The following SPEN variants were observed in gnomAD, a reference collection of about 807,000 sequenced individuals.
SPEN encodes msx2-interacting protein.
A neutral mutation model predicts 269.9 loss-of-function variants in SPEN; 18 were observed. The observed-to-expected ratio is 0.07, with a 90% CI of 0.05 to 0.10. The LOEUF (loss-of-function observed/expected upper bound fraction) is 0.10, where lower values mean the gene tolerates loss of function less well. Ranked by LOEUF, SPEN falls within the 10% of genes least tolerant of loss-of-function variation. SPEN has a pLI of 1.00. For synonymous variants in SPEN, 1,726 were observed against 1,765.7 expected (o/e 0.98, Z 0.56); for missense variants, 3,822 against 4,631.2 (o/e 0.83, Z 5.07).
At chr1:15,865,716 G>A (rs1027930434) in intron 1 of SPEN, among the ~76,000 whole-genome samples, 4 of 151,796 alleles carry the variant, frequency 2.6e-5, no homozygotes, top group Non-Finnish European at 4.4e-5. Flanking sequence ...GTGAGCCACC[G>A]CACCCAGCCA....
At position 15,935,863 on chromosome 1, in the gene SPEN, A is replaced by G; in HGVS notation, c.9623A>G (p.Glu3208Gly). The G allele has an allele frequency of 6.2e-7, 1 of 1,613,634 alleles. No individual in the cohort carries two copies. The highest frequency in any genetic ancestry group is 8.5e-7 in the Non-Finnish European group (1 of 1,179,990). ...MVHPHVTAVSEQPRAADGVVK... is the reference protein window; with the variant it reads ...MVHPHVTAVSGQPRAADGVVK... ...CATCCACATGTGACGGCAGTCAGCG[A>G]GCAGCCCAGGGCCGCGGATGGGGTG... The change falls in exon 11 of 15, where the codon GAG becomes GGG. Residue 3208 changes from glutamate (E) to glycine (G), a missense_variant. Physicochemically the swap from Glu to Gly is moderately conservative, Grantham distance 98. Coordinates refer to ENST00000375759, the MANE Select transcript of SPEN (RefSeq NM_015001.3). This position sits in a 1 kb window ranked among gnomAD's most constrained non-coding sequence, Gnocchi z 7.7.
intron 10 of SPEN, among the ~76,000 whole-genome samples, chr1:15,924,163 G>A (rs140986199): frequency 2.8e-4 from 42 of 152,270 alleles, no homozygotes; most frequent in Non-Finnish European, 3.2e-4. Flanking sequence ...GAAAGTGAGC[G>A]TAAAATTATG....
chr1:15,906,447 T>C (rs1037487105), intron 3 of SPEN, among the ~76,000 whole-genome samples: 12 of 146,462 alleles, frequency 8.2e-5, no homozygotes, highest in African/African-American at 3.0e-4. Flanking sequence ...TTCTTTTCTT[T>C]CTTTCCTTTT....
rs781772252 is a variant in SPEN at position 15,933,812 on chromosome 1, C to G, written c.7572C>G (p.Ala2524=). Residue 2524 remains alanine, a synonymous_variant, in exon 11 of 15, where the codon GCC becomes GCG. Transcript: ENST00000375759. The surrounding 1 kb of genome is among the most constrained non-coding windows in gnomAD (Gnocchi z 5.7). ...PSPALPPDTK[A]SDVDTSSSTL... is the part of the protein sequence containing the mutation. ...CAGCTCTTCCCCCAGACACAAAGGC[C>G]TCTGATGTTGACACCAGCTCCAGCA... 3.1e-6 allele frequency: 5 copies of G among 1,613,376 alleles called. No individual in the cohort carries two copies. Among genetic ancestry groups the G allele is most frequent in the Non-Finnish European group, 4.2e-6 (5 of 1,180,046 alleles).
rs749588150 is a variant in SPEN at position 15,933,835 on chromosome 1, G to A, written c.7595G>A (p.Ser2532Asn). ...GCCTCTGATGTTGACACCAGCTCCA[G>A]CACCCTGAGGAAGATTCTCATGGAC... ...TKASDVDTSSSTLRKILMDPK... is the reference protein window; with the variant it reads ...TKASDVDTSSNTLRKILMDPK... Residue 2532 changes from serine (S) to asparagine (N), a missense_variant, in exon 11 of 15, where the codon AGC becomes AAC. Around this residue, in one of 16 missense-constraint regions of SPEN, gnomAD observed 727 missense variants for 737.9 expected, o/e 0.99. Transcript: ENST00000375759. This position sits in a 1 kb window ranked among gnomAD's most constrained non-coding sequence, Gnocchi z 5.7. 7.4e-6 allele frequency: 12 copies of A among 1,613,222 alleles called. No homozygotes were observed. Among genetic ancestry groups the A allele is most frequent in the Middle Eastern group, 1.6e-4 (1 of 6,062 alleles).
chr1:15,882,575 G>C (rs1557742110), intron 3 of SPEN, among the ~76,000 whole-genome samples: 1 of 152,164 alleles, frequency 6.6e-6, no homozygotes, highest in Non-Finnish European at 1.5e-5. Flanking sequence ...TGCGAGAATC[G>C]CTTGAACCTG....
chr1:15,927,854 T>TA (rs2148737569), intron 10 of SPEN, among the ~76,000 whole-genome samples: 1 of 152,370 alleles, frequency 6.6e-6, no homozygotes, highest in Non-Finnish European at 1.5e-5. Flanking sequence ...TGTTTTTCTA[T>TA]AAACTAGGTC....
intron 3 of SPEN, among the ~76,000 whole-genome samples, chr1:15,904,717 T>C (rs6701734): frequency 0.069 from 10,285 of 149,568 alleles, 1,108 homozygotes; most frequent in African/African-American, 0.23. Flanking sequence ...CCTCCCAAAG[T>C]GCTGGGATTA....
Position 15,854,473 on chromosome 1 carries a change from A to T in SPEN, c.83+6323A>T, listed in dbSNP as rs143357532. 3.3e-3 allele frequency among the ~76,000 whole-genome samples: 495 copies of T among 152,234 alleles called. 1 individual carries two copies. The highest frequency in any genetic ancestry group is 0.011 in the African/African-American group (450 of 41,550). Reference sequence around the variant, plus strand: ...CAATTAGAATGTTAATCATTTTATTAGAAAGCATGTAGTTTTTTTTTGTTT... The same window carrying T: ...CAATTAGAATGTTAATCATTTTATTTGAAAGCATGTAGTTTTTTTTTGTTT... On this transcript the variant is annotated intron_variant, in intron 1 of 14. Transcript: ENST00000375759.
Position 15,929,047 on chromosome 1 carries a change from G to C in SPEN, c.2807G>C (p.Arg936Thr), listed in dbSNP as rs141938872. 11 of 1,614,198 alleles carry C rather than the reference G, an allele frequency of 6.8e-6. 1 individual carries two copies. The African/African-American group carries it at 1.5e-4, about 22-fold the overall frequency. Residue 936 changes from arginine (R) to threonine (T), a missense_variant, in exon 11 of 15, where the codon AGA becomes ACA. Physicochemically the swap from Arg to Thr is moderately conservative, Grantham distance 71. This residue lies in a region of SPEN where 572 missense variants were observed against 582.6 expected (regional missense o/e 0.98). Coordinates refer to ENST00000375759, the MANE Select transcript of SPEN (RefSeq NM_015001.3). The surrounding 1 kb of genome is among the most constrained non-coding windows in gnomAD (Gnocchi z 5.8). ...GACTTGTCTAAACTGGAATCAGTTAGAATGAAAGTACCAAAGGAAAAGGGG... is the reference window on the plus strand; with the variant it reads ...GACTTGTCTAAACTGGAATCAGTTACAATGAAAGTACCAAAGGAAAAGGGG... ...KSDLSKLESV[R>T]MKVPKEKGLS...
Position 15,937,800 on chromosome 1 carries a change from C to T in SPEN, c.10510-12C>T, listed in dbSNP as rs745427382. The T allele has an allele frequency of 4.3e-6, 7 of 1,613,604 alleles. No individual in the cohort carries two copies. The highest frequency in any genetic ancestry group is 5.9e-6 in the Non-Finnish European group (7 of 1,179,820). On this transcript the variant is annotated splice_polypyrimidine_tract_variant and intron_variant, in intron 12 of 14. Coordinates refer to ENST00000375759, the MANE Select transcript of SPEN (RefSeq NM_015001.3). The surrounding 1 kb of genome is among the most constrained non-coding windows in gnomAD (Gnocchi z 5.7). ...CCATGAGCTCACTTCCTGTTTGTTT[C>T]CCTGTGAGCAGAAGTACCCCATCGT...
intron 1 of SPEN, among the ~76,000 whole-genome samples, chr1:15,850,864 A>G (rs988564934): frequency 2.6e-5 from 4 of 152,244 alleles, no homozygotes; most frequent in Admixed American, 1.3e-4. Context: ...TACCTATATT[A>G]AAACTGAACT....
At chr1:15,914,668 C>G (rs1208489258) in intron 5 of SPEN, among the ~76,000 whole-genome samples, 1 of 152,044 alleles carries the variant, frequency 6.6e-6, no homozygotes, top group Non-Finnish European at 1.5e-5. Flanking sequence ...ACTAAAAATA[C>G]AAAAATTTGG....
In SPEN at chr1:15,929,504, G is replaced by A. The variant is rs763962908; in HGVS notation, c.3264G>A (p.Leu1088=). ...SRPSSDLQAR[L]GELAGESVEN... The stretch of plus-strand genomic sequence containing the variant: ...CCAGCTCAGACCTACAAGCAAGACT[G>A]GGAGAACTAGCAGGTGAATCTGTGG... Residue 1088 remains leucine (L), a synonymous_variant, in exon 11 of 15, where the codon CTG becomes CTA. Coordinates refer to ENST00000375759, the MANE Select transcript of SPEN (RefSeq NM_015001.3). This position sits in a 1 kb window ranked among gnomAD's most constrained non-coding sequence, Gnocchi z 5.8. The A allele has an allele frequency of 6.8e-6, 11 of 1,613,480 alleles. No individual in the cohort carries two copies. In the South Asian group the frequency reaches 1.2e-4, roughly 18 times the overall value.
At chr1:15,874,226 T>G in intron 2 of SPEN, 1 of 1,366,600 alleles carries the variant, frequency 7.3e-7, no homozygotes, top group Non-Finnish European at 9.8e-7. Flanking sequence ...TTTTGTCTGG[T>G]CACTAAGATT....
intron 1 of SPEN, among the ~76,000 whole-genome samples, chr1:15,867,728 G>A (rs1021933758): frequency 6.2e-5 from 9 of 145,188 alleles, no homozygotes; most frequent in Non-Finnish European, 1.2e-4. Context: ...TTTTTTTTTA[G>A]CTGCCCTAGT....
chr1:15,939,823 CTG>C lies in SPEN; in HGVS notation c.*399_*400del, dbSNP rs1478702465. The C allele has an allele frequency of 2.1e-5, 5 of 236,316 alleles. No homozygotes were observed. The highest frequency in any genetic ancestry group is 3.3e-5 in the Non-Finnish European group (4 of 120,062). 14.6% of individuals were successfully genotyped at this position (236,316 alleles called of 1,614,324 possible). On this transcript the variant is annotated 3_prime_UTR_variant, in exon 15 of 15. Transcript: ENST00000375759. This position sits in a 1 kb window ranked among gnomAD's most constrained non-coding sequence, Gnocchi z 4.1. ...TGGACTTTTGCCCAGTGAAGACAGGCTGTGACACTCTGGATGTCTTGGTGTGT... is the reference window on the plus strand; with the variant it reads ...TGGACTTTTGCCCAGTGAAGACAGGCTGACACTCTGGATGTCTTGGTGTGT...
chr1:15,884,967 G>A (rs2070722942), intron 3 of SPEN, among the ~76,000 whole-genome samples: 1 of 152,082 alleles, frequency 6.6e-6, no homozygotes, highest in African/African-American at 2.4e-5. Flanking sequence ...CTGGCCTCAA[G>A]TGATCCACCT....
intron 3 of SPEN, among the ~76,000 whole-genome samples, chr1:15,881,208 G>C (rs12128413): frequency 0.1 from 15,246 of 152,174 alleles, 1,026 homozygotes; most frequent in African/African-American, 0.18. Flanking sequence ...GGCTTCAAGC[G>C]ATCTTCCCTC....
Sources: gnomAD v4.1 joint callset for allele counts (sites outside exome capture counted in the v4.1 genomes callset) on GRCh38, gnomAD v4.1.1 for gene constraint, gnomAD v4.1.1 regional missense constraint, Gnocchi (gnomAD v3.1) non-coding constraint, MANE v1.5 for transcripts, NCBI Gene and HGNC (gene_info 2026-07-23, HGNC 2026-07-21) for gene names.